Variants in SRRM2 observed in about 807,000 individuals in gnomAD.
The protein encoded by SRRM2 is serine/arginine repetitive matrix protein 2.
A neutral mutation model predicts 213.8 loss-of-function variants in SRRM2; 30 were observed. The observed-to-expected ratio is 0.14, with a 90% CI of 0.10 to 0.19. The LOEUF (loss-of-function observed/expected upper bound fraction) is 0.19, where lower values mean the gene tolerates loss of function less well. SRRM2 is among the 10% of genes least tolerant of loss of function. SRRM2 has a pLI of 1.00. For synonymous variants in SRRM2, 2,025 were observed against 1,377.7 expected, an observed-to-expected ratio of 1.47 and a Z score of -10.40; for missense variants, 4,904 against 3,647.0, an observed-to-expected ratio of 1.34 and a Z score of -8.88.
intron 10 of SRRM2, 46 bp downstream of exon 10, chr16:2,760,545 ATT>A (rs1376103765): frequency 3.2e-5 from 52 of 1,600,888 alleles, no homozygotes; most frequent in Non-Finnish European, 3.8e-5. Context: ...AAATGTATAG[ATT>A]TAGGATAGAC....
Position 2,767,675 on chromosome 16 carries a change from C to T in SRRM2, c.7147C>T (p.Pro2383Ser). The change falls in exon 11 of 15, where the codon CCC becomes TCC. Residue 2383 changes from proline to serine, a missense_variant. By Grantham distance (74) the Pro-to-Ser change is moderately conservative (BLOSUM62 -1). Coordinates refer to ENST00000301740, the MANE Select transcript of SRRM2 (RefSeq NM_016333.4). Reference protein sequence around the residue: ...PALSGANLTSPRVPLSAYERV... With the variant: ...PALSGANLTSSRVPLSAYERV... ...ATTGTCTGGTGCAAACCTCACCAGC[C>T]CCAGGGTGCCCCTTTCTGCCTACGA... 1 of 1,614,096 alleles carries T rather than the reference C, an allele frequency of 6.2e-7. No individual in the cohort carries two copies.
intron 7 of SRRM2, 23 bp downstream of exon 7, chr16:2,759,195 G>A (rs369302841): frequency 3.7e-6 from 6 of 1,613,190 alleles, no homozygotes; most frequent in Admixed American, 1.7e-5. Flanking sequence ...TAACTCATAG[G>A]GGGCGCAGTG....
rs750239297 is a variant in SRRM2, at chr16:2,764,235, A to T, written c.3707A>T (p.Glu1236Val). 1 of 1,614,156 alleles carries T rather than the reference A, an allele frequency of 6.2e-7. No individual in the cohort carries two copies. Among genetic ancestry groups the T allele is most frequent in the African/African-American group, 1.3e-5 (1 of 75,048 alleles). Residue 1236 changes from glutamate to valine, a missense_variant, in exon 11 of 15, where the codon GAA becomes GTA. Coordinates refer to ENST00000301740, the MANE Select transcript of SRRM2 (RefSeq NM_016333.4). ...NSALPTSSQD[E>V]ELMEVVEKSE... The stretch of plus-strand genomic sequence containing the variant: ...GCATTGCCTACGTCAAGCCAAGATG[A>T]AGAGTTAATGGAGGTGGTAGAGAAG...
Position 2,763,005 on chromosome 16 carries a change from A to G in SRRM2, c.2477A>G (p.Lys826Arg). ...RSSSSPPPKQKSKTPSRQSHS... is the reference protein window; with the variant it reads ...RSSSSPPPKQRSKTPSRQSHS... ...AGTTCTTCTCCGCCACCTAAACAGA[A>G]ATCTAAGACACCATCAAGACAAAGT... Residue 826 changes from lysine (K) to arginine (R), a missense_variant, in exon 11 of 15, where the codon AAA becomes AGA. Coordinates refer to ENST00000301740, the MANE Select transcript of SRRM2 (RefSeq NM_016333.4). The G allele has an allele frequency of 2.5e-6, 4 of 1,614,028 alleles. No individual in the cohort carries two copies. Among genetic ancestry groups the G allele is most frequent in the Non-Finnish European group, 3.4e-6 (4 of 1,179,976 alleles).
At position 2,766,286 on chromosome 16, in the gene SRRM2, A is replaced by C. The variant is rs927695142; in HGVS notation, c.5758A>C (p.Arg1920=). The C allele has an allele frequency of 6.2e-7, 1 of 1,614,088 alleles. No individual in the cohort carries two copies. Among genetic ancestry groups the C allele is most frequent in the African/African-American group, 1.3e-5 (1 of 74,930 alleles). The change falls in exon 11 of 15, where the codon AGA becomes CGA. Residue 1920 remains arginine, a synonymous_variant. Coordinates refer to ENST00000301740, the MANE Select transcript of SRRM2 (RefSeq NM_016333.4). This position sits in a 1 kb window ranked among gnomAD's most constrained non-coding sequence, Gnocchi z 7.0. ...RSRSRASPVS[R]RRSRSRTPPV... is the part of the protein sequence containing the mutation. The stretch of plus-strand genomic sequence containing the variant: ...CCGGTCAAGAGCATCCCCAGTGAGC[A>C]GAAGGCGATCCAGATCCAGAACGCC...
rs2068502317 is a variant in SRRM2, at chr16:2,765,363, C to T, written c.4835C>T (p.Pro1612Leu). ...GTGAAAGATAAGCCAAGAGCAGCAC[C>T]CAGGGCACAGAGTGGTTCTGATTCC... ...PEVKDKPRAA[P>L]RAQSGSDSSP... Residue 1612 changes from proline (P) to leucine (L), a missense_variant, in exon 11 of 15, where the codon CCC becomes CTC. Physicochemically the swap from Pro to Leu is moderately conservative, Grantham distance 98 (BLOSUM62 -3). Transcript: ENST00000301740. 3 of 1,614,088 alleles carry T rather than the reference C, an allele frequency of 1.9e-6. No homozygotes were observed. The highest frequency in any genetic ancestry group is 2.5e-6 in the Non-Finnish European group (3 of 1,180,050).
chr16:2,758,620 A>G, intron 5 of SRRM2, 73 bp downstream of exon 5: 1 of 1,445,284 alleles, frequency 6.9e-7, no homozygotes, highest in African/African-American at 1.4e-5. Flanking sequence ...CTGGAAGTGG[A>G]CAGTTCTGGC....
At position 2,762,834 on chromosome 16, in the gene SRRM2, C is replaced by G. The variant is rs759269316; in HGVS notation, c.2306C>G (p.Ala769Gly). The G allele has an allele frequency of 1.2e-6, 2 of 1,614,064 alleles. No homozygotes were observed. The highest frequency in any genetic ancestry group is 2.7e-5 in the African/African-American group (2 of 74,926). The part of the protein sequence containing the change: ...SRSLSSPRSK[A>G]KSRLSLRRSL... ...TCTCTCTCTTCACCACGGTCCAAAG[C>G]AAAATCTCGCTTGTCTTTGAGGCGC... The change falls in exon 11 of 15, where the codon GCA (alanine) becomes GGA (glycine). Residue 769 changes from alanine (A) to glycine (G), a missense_variant. Coordinates refer to ENST00000301740, the MANE Select transcript of SRRM2 (RefSeq NM_016333.4).
In SRRM2 at chr16:2,763,771, A is replaced by T. The variant is rs1223186045; in HGVS notation, c.3243A>T (p.Ser1081=). 4 of 1,614,100 alleles carry T rather than the reference A, an allele frequency of 2.5e-6. No individual in the cohort carries two copies. Among genetic ancestry groups the T allele is most frequent in the Non-Finnish European group, 3.4e-6 (4 of 1,180,054 alleles). Residue 1081 remains serine, a synonymous_variant, in exon 11 of 15, where the codon TCA becomes TCT. Transcript: ENST00000301740. ...GTCCAGAAGTGAGACAGAGTCATTC[A>T]GAATCACCATCTCTGCAGAGCAAAT... The part of the protein sequence containing the change: ...TSSPEVRQSH[S]ESPSLQSKSQ...
chr16:2,760,602 A>AT, intron 10 of SRRM2, 103 bp downstream of exon 10: 1 of 1,375,570 alleles, frequency 7.3e-7, no homozygotes, highest in South Asian at 1.4e-5. Context: ...AAATAAATAA[A>AT]TTCAGTTTTT....
Position 2,771,144 on chromosome 16 carries a change from C to A in SRRM2, c.*277C>A. 1.6e-6 allele frequency: 1 copy of A among 623,496 alleles called. No homozygotes were observed. The highest frequency in any genetic ancestry group is 2.8e-6 in the Non-Finnish European group (1 of 357,370). The allele number at this position is 623,496 out of a possible 1,614,324, so 38.6% of individuals were successfully genotyped here. On this transcript the variant is annotated 3_prime_UTR_variant, in exon 15 of 15. Coordinates refer to ENST00000301740, the MANE Select transcript of SRRM2 (RefSeq NM_016333.4). Reference sequence around the variant, plus strand: ...AGGGGAGGATACAGTTCAGGATACCCCAGCCTGGAGTCAGGGCCAGGGAGG... The same window carrying A: ...AGGGGAGGATACAGTTCAGGATACCACAGCCTGGAGTCAGGGCCAGGGAGG...
Position 2,767,889 on chromosome 16 carries a change from C to A in SRRM2, c.7361C>A (p.Ala2454Asp). 6.2e-7 allele frequency: 1 copy of A among 1,614,148 alleles called. No homozygotes were observed. ...CAGCCGAGGTCTCCTGTGCCTTCTG[C>A]TTTTTCAGACCAATCCCGTTGTTTG... ...QDQPRSPVPS[A>D]FSDQSRCLIA... is the part of the protein sequence containing the mutation. The change falls in exon 11 of 15, where the codon GCT (alanine) becomes GAT (aspartate). Residue 2454 changes from alanine (A) to aspartate (D), a missense_variant. Transcript: ENST00000301740.
intron 11 of SRRM2, chr16:2,768,716 C>T: frequency 1.4e-6 from 1 of 706,404 alleles, no homozygotes. Context: ...CCAGCTTCAG[C>T]TTCCACACCT....
At position 2,761,995 on chromosome 16, in the gene SRRM2, C is replaced by A; in HGVS notation, c.1467C>A (p.Thr489=). Residue 489 remains threonine (T), a synonymous_variant, in exon 11 of 15, where the codon ACC becomes ACA. Transcript: ENST00000301740. ...RRMGRSRSPA[T]AKRGRSRSRT... Reference sequence around the variant, plus strand: ...TGGGGAGGTCCCGTAGCCCTGCCACCGCTAAGAGAGGGCGATCTCGGTCTC... The same window carrying A: ...TGGGGAGGTCCCGTAGCCCTGCCACAGCTAAGAGAGGGCGATCTCGGTCTC... The A allele has an allele frequency of 1.2e-6, 2 of 1,614,166 alleles. No individual in the cohort carries two copies. The highest frequency in any genetic ancestry group is 2.2e-5 in the East Asian group (1 of 44,890).
chr16:2,766,777 T>C lies in SRRM2; in HGVS notation c.6249T>C (p.Ser2083=). ...TCCGCAGGCGTTCTGCATCTGGAAGTAGTTCTGATCGTTCACGATCTGCTA... is the reference window on the plus strand; with the variant it reads ...TCCGCAGGCGTTCTGCATCTGGAAGCAGTTCTGATCGTTCACGATCTGCTA... The part of the protein sequence containing the change: ...PAIRRRSASG[S]SSDRSRSATP... Residue 2083 remains serine (S), a synonymous_variant, in exon 11 of 15, where the codon AGT becomes AGC. Transcript: ENST00000301740. The surrounding 1 kb of genome is among the most constrained non-coding windows in gnomAD (Gnocchi z 7.0). The C allele has an allele frequency of 3.7e-6, 6 of 1,614,160 alleles. No individual in the cohort carries two copies. The highest frequency in any genetic ancestry group is 5.1e-6 in the Non-Finnish European group (6 of 1,180,030).
At position 2,766,178 on chromosome 16, in the gene SRRM2, A is replaced by G; in HGVS notation, c.5650A>G (p.Ser1884Gly). 6.2e-7 allele frequency: 1 copy of G among 1,614,146 alleles called. No homozygotes were observed. Among genetic ancestry groups the G allele is most frequent in the Non-Finnish European group, 8.5e-7 (1 of 1,180,034 alleles). Residue 1884 changes from serine to glycine, a missense_variant, in exon 11 of 15, where the codon AGC becomes GGC. Coordinates refer to ENST00000301740, the MANE Select transcript of SRRM2 (RefSeq NM_016333.4). The surrounding 1 kb of genome is among the most constrained non-coding windows in gnomAD (Gnocchi z 7.0). ...RRSRSRTPLI[S>G]RRRSRSRTSP... ...ATCCAGGTCCAGAACCCCCCTGATA[A>G]GCCGACGTAGGTCCAGATCTCGAAC... is the stretch of plus-strand genomic sequence containing the variant.
At position 2,766,455 on chromosome 16, in the gene SRRM2, C is replaced by T. The variant is rs1355464146; in HGVS notation, c.5927C>T (p.Pro1976Leu). 1.2e-6 allele frequency: 2 copies of T among 1,614,060 alleles called. No homozygotes were observed. The highest frequency in any genetic ancestry group is 1.1e-5 in the South Asian group (1 of 91,080). The change falls in exon 11 of 15, where the codon CCT (proline) becomes CTT (leucine). Residue 1976 changes from proline (P) to leucine (L), a missense_variant. Physicochemically the swap from Pro to Leu is moderately conservative, Grantham distance 98 (BLOSUM62 -3). Coordinates refer to ENST00000301740, the MANE Select transcript of SRRM2 (RefSeq NM_016333.4). The surrounding 1 kb of genome is among the most constrained non-coding windows in gnomAD (Gnocchi z 7.0). ...AGGCGATCTCGAAGCAGAACTTCGC[C>T]TATCACTCGCAGAAGATCAAGATCC... is the stretch of plus-strand genomic sequence containing the variant. ...TRRRSRSRTS[P>L]ITRRRSRSRT...
chr16:2,759,739 T>C (rs995839496), intron 9 of SRRM2, 78 bp downstream of exon 9: 5 of 1,364,870 alleles, frequency 3.7e-6, no homozygotes, highest in East Asian at 2.4e-5. Context: ...GCGCCCACGG[T>C]GTGCTAGGCG....
rs1182145408 is a variant in SRRM2, at chr16:2,762,310, A to G, written c.1782A>G (p.Ser594=). 6.2e-7 allele frequency: 1 copy of G among 1,613,910 alleles called. No homozygotes were observed. The highest frequency in any genetic ancestry group is 1.1e-5 in the South Asian group (1 of 91,060). Reference sequence around the variant, plus strand: ...CTAGAACACCTGCCAGGCGGAGATCACGATCCAGAACTCCCACCAGGCGTA... The same window carrying G: ...CTAGAACACCTGCCAGGCGGAGATCGCGATCCAGAACTCCCACCAGGCGTA... ...SRSRTPARRR[S]RSRTPTRRRS... is the part of the protein sequence containing the mutation. Residue 594 remains serine, a synonymous_variant, in exon 11 of 15, where the codon TCA becomes TCG. Coordinates refer to ENST00000301740, the MANE Select transcript of SRRM2 (RefSeq NM_016333.4).
Sources: gnomAD v4.1 joint callset for allele counts on GRCh38, gnomAD v4.1.1 for gene constraint, Gnocchi (gnomAD v3.1) non-coding constraint, MANE v1.5 for transcripts, NCBI Gene and HGNC (gene_info 2026-07-23, HGNC 2026-07-21) for gene names.